Variants in ZBTB44 observed in about 807,000 individuals in gnomAD.
The protein encoded by ZBTB44 is zinc finger and BTB domain containing 44.
Under a neutral mutation model 54.0 loss-of-function variants are expected in ZBTB44, and 15 were observed. The ratio of observed to expected loss-of-function variants is 0.28; its 90% CI spans 0.19 to 0.43. The LOEUF (loss-of-function observed/expected upper bound fraction) is 0.43. Ranked by LOEUF, ZBTB44 falls within the 20% of genes least tolerant of loss-of-function variation. The pLI, the probability that ZBTB44 is intolerant of heterozygous loss-of-function variation, is 1.00. For missense variants in ZBTB44, 487 were observed against 707.1 expected, an observed-to-expected ratio of 0.69 and a Z score of 3.53; for synonymous variants, 230 against 250.1, an observed-to-expected ratio of 0.92 and a Z score of 0.76.
chr11:130,289,308 C>A lies in ZBTB44; in HGVS notation c.-57+25067G>T, dbSNP rs138768062. Among the ~76,000 whole-genome samples the A allele has an allele frequency of 8.7e-3, 1,318 of 152,062 alleles. 9 individuals carry two copies. Among genetic ancestry groups the A allele is most frequent in the African/African-American group, 0.022 (894 of 41,450 alleles). ...GACTAGCCTGGCCAACATGGTGAAACCCCGTCTCTACTAAAAATACAAAAA... is the reference window on the plus strand; with the variant it reads ...GACTAGCCTGGCCAACATGGTGAAAACCCGTCTCTACTAAAAATACAAAAA... On this transcript the variant is annotated intron_variant, in intron 1 of 7. Coordinates refer to ENST00000357899, the MANE Select transcript of ZBTB44 (RefSeq NM_001301098.2).
chr11:130,272,818 C>A lies in ZBTB44; in HGVS notation c.-56-10889G>T, dbSNP rs191488238. On this transcript the variant is annotated intron_variant, in intron 1 of 7. Coordinates refer to ENST00000357899, the MANE Select transcript of ZBTB44 (RefSeq NM_001301098.2). ...TGTCCCAGTACCATCTGTTAAAAAGCGTATTCTTTTACCACTGAAAGATCT... is the reference window on the plus strand; with the variant it reads ...TGTCCCAGTACCATCTGTTAAAAAGAGTATTCTTTTACCACTGAAAGATCT... Among the ~76,000 whole-genome samples, 6 of 151,896 alleles carry A rather than the reference C, an allele frequency of 4.0e-5. No individual in the cohort carries two copies. The South Asian group carries it at 1.3e-3, about 32-fold the overall frequency.
rs754893854 is a variant in ZBTB44 at position 130,302,337 on chromosome 11, T to A, written c.-57+12038A>T. Among the ~76,000 whole-genome samples the A allele has an allele frequency of 9.8e-4, 149 of 151,924 alleles. 1 individual carries two copies. The highest frequency in any genetic ancestry group is 1.7e-3 in the Non-Finnish European group (114 of 68,000). On this transcript the variant is annotated intron_variant, in intron 1 of 7. Coordinates refer to ENST00000357899, the MANE Select transcript of ZBTB44 (RefSeq NM_001301098.2). ...CACTATGCTATACTGCCTCTCAAAG[T>A]GAAGTTAGGTAAAACTAGTGGCGGA...
intron 1 of ZBTB44, among the ~76,000 whole-genome samples, chr11:130,287,063 T>C (rs1444500043): frequency 6.6e-6 from 1 of 152,242 alleles, no homozygotes; most frequent in African/African-American, 2.4e-5. Context: ...GTGTTCGCCA[T>C]CTTGCAAATT....
chr11:130,303,166 A>G (rs1942077181), intron 1 of ZBTB44, among the ~76,000 whole-genome samples: 3 of 152,238 alleles, frequency 2.0e-5, no homozygotes, highest in Admixed American at 2.0e-4. Context: ...AAAGAAAATA[A>G]TTTTTAAAAG....
chr11:130,293,972 T>C (rs1941472082), intron 1 of ZBTB44, among the ~76,000 whole-genome samples: 1 of 152,212 alleles, frequency 6.6e-6, no homozygotes, highest in Admixed American at 6.5e-5. Context: ...GATTAGAATT[T>C]CCTCTCCTTG....
intron 1 of ZBTB44, among the ~76,000 whole-genome samples, chr11:130,263,385 A>T (rs1283514861): frequency 6.6e-6 from 1 of 152,182 alleles, no homozygotes; most frequent in Non-Finnish European, 1.5e-5. Context: ...GGAGGGCTAT[A>T]TATAAAGCGT....
intron 1 of ZBTB44, chr11:130,296,280 A>G (rs1426347708): frequency 3.4e-6 from 5 of 1,486,814 alleles, no homozygotes; most frequent in Non-Finnish European, 3.6e-6. Flanking sequence ...TCCTTCTGAA[A>G]AGAGATTCCT....
At chr11:130,253,179 A>C (rs1455654354) in intron 2 of ZBTB44, among the ~76,000 whole-genome samples, 1 of 152,208 alleles carries the variant, frequency 6.6e-6, no homozygotes, top group Non-Finnish European at 1.5e-5. Flanking sequence ...TTTCTCACTC[A>C]CCACTCCTAT....
intron 1 of ZBTB44, among the ~76,000 whole-genome samples, chr11:130,274,065 G>A (rs1464344368): frequency 1.3e-5 from 2 of 151,982 alleles, no homozygotes; most frequent in Non-Finnish European, 2.9e-5. Flanking sequence ...TCCAATCTGA[G>A]TGACAGAGCA....
chr11:130,235,925 G>A (rs955429746), intron 5 of ZBTB44, among the ~76,000 whole-genome samples: 3 of 150,588 alleles, frequency 2.0e-5, no homozygotes, highest in South Asian at 2.1e-4. Context: ...AGCCGAAATC[G>A]TGCCACTGCA....
At chr11:130,281,388 CAT>C (rs761328087) in intron 1 of ZBTB44, among the ~76,000 whole-genome samples, 1 of 151,926 alleles carries the variant, frequency 6.6e-6, no homozygotes, top group Non-Finnish European at 1.5e-5. Flanking sequence ...GGTGTGGTAA[CAT>C]AAGCCTGTGG....
At chr11:130,280,075 G>GC (rs1294843220) in intron 1 of ZBTB44, among the ~76,000 whole-genome samples, 2 of 152,124 alleles carry the variant, frequency 1.3e-5, no homozygotes, top group African/African-American at 2.4e-5. Context: ...ACAAGCCAGC[G>GC]CAACGGCAAT....
chr11:130,270,499 C>T (rs1939589816), intron 1 of ZBTB44, among the ~76,000 whole-genome samples: 1 of 152,136 alleles, frequency 6.6e-6, no homozygotes, highest in Non-Finnish European at 1.5e-5. Flanking sequence ...AAACTGAGGC[C>T]AGAAAATTAT....
intron 1 of ZBTB44, among the ~76,000 whole-genome samples, chr11:130,265,044 A>G (rs751474900): frequency 6.6e-6 from 1 of 152,190 alleles, no homozygotes; most frequent in Non-Finnish European, 1.5e-5. Flanking sequence ...CTGCACCCAT[A>G]TAAGACAGTG....
At chr11:130,276,337 T>C (rs934559190) in intron 1 of ZBTB44, among the ~76,000 whole-genome samples, 1 of 151,904 alleles carries the variant, frequency 6.6e-6, no homozygotes, top group Non-Finnish European at 1.5e-5. Context: ...ATATACTCTA[T>C]TGTTGCTGGG....
rs182888408 is a variant in ZBTB44, at chr11:130,305,408, C to A, written c.-57+8967G>T. On this transcript the variant is annotated intron_variant, in intron 1 of 7. Transcript: ENST00000357899. ...AGCATGGTACTGGTATAAAAACAGG[C>A]ATGTAGACCGATGGAACAGAATAGA... Among the ~76,000 whole-genome samples the A allele has an allele frequency of 1.5e-4, 23 of 152,276 alleles. No individual in the cohort carries two copies. The East Asian group carries it at 4.4e-3, about 29-fold the overall frequency.
intron 1 of ZBTB44, among the ~76,000 whole-genome samples, chr11:130,278,371 G>A (rs1402096608): frequency 6.6e-6 from 1 of 152,192 alleles, no homozygotes; most frequent in Non-Finnish European, 1.5e-5. Context: ...AAGGGTACTT[G>A]AAGCACGGTT....
intron 1 of ZBTB44, among the ~76,000 whole-genome samples, chr11:130,287,177 C>G (rs1179713763): frequency 6.6e-6 from 1 of 152,196 alleles, no homozygotes; most frequent in African/African-American, 2.4e-5. Flanking sequence ...TCACCCATAG[C>G]TTAAAATCTA....
At chr11:130,272,603 A>G (rs557672040) in intron 1 of ZBTB44, among the ~76,000 whole-genome samples, 10 of 151,784 alleles carry the variant, frequency 6.6e-5, no homozygotes, top group Non-Finnish European at 1.0e-4. Context: ...TATGAAGTTC[A>G]GTGTTTTTCT....
Sources: allele counts gnomAD v4.1 joint callset (sites outside exome capture counted in the v4.1 genomes callset), GRCh38; gene constraint gnomAD v4.1.1; transcripts MANE v1.5; gene names NCBI Gene and HGNC (gene_info 2026-07-23, HGNC 2026-07-21).